IGF2BP2: variants seen among roughly 807,000 people sequenced by gnomAD.
IGF2BP2 encodes insulin-like growth factor 2 mRNA-binding protein 2.
Under a neutral mutation model 75.8 loss-of-function variants are expected in IGF2BP2, and 17 were observed. The ratio of observed to expected loss-of-function variants is 0.22; its 90% CI spans 0.15 to 0.34. IGF2BP2 has a LOEUF of 0.34. Among genes scored for constraint, IGF2BP2 ranks in the 10% least tolerant of loss-of-function variants. IGF2BP2 has a pLI of 1.00. For synonymous variants in IGF2BP2, 288 were observed against 295.6 expected, an observed-to-expected ratio of 0.97 and a Z score of 0.26; for missense variants, 516 against 772.4, an observed-to-expected ratio of 0.67 and a Z score of 3.93.
chr3:185,681,156 C>T (rs538116700), intron 7 of IGF2BP2, among the ~76,000 whole-genome samples: 5 of 152,262 alleles, frequency 3.3e-5, no homozygotes, highest in Non-Finnish European at 7.4e-5. Flanking sequence ...AAAATGATCT[C>T]TATTCACAGA....
At chr3:185,679,966 A>C (rs1415907125) in intron 7 of IGF2BP2, among the ~76,000 whole-genome samples, 1 of 152,178 alleles carries the variant, frequency 6.6e-6, no homozygotes, top group Admixed American at 6.6e-5. Flanking sequence ...CAGCATAAAA[A>C]CGGCAATAAT....
chr3:185,690,490 G>A (rs1721798512), intron 5 of IGF2BP2, among the ~76,000 whole-genome samples: 1 of 152,138 alleles, frequency 6.6e-6, no homozygotes, highest in South Asian at 2.1e-4. Context: ...TGACTCAACT[G>A]CAGTATCAGT....
chr3:185,759,697 C>G (rs1428502197), intron 2 of IGF2BP2, among the ~76,000 whole-genome samples: 1 of 152,202 alleles, frequency 6.6e-6, no homozygotes, highest in South Asian at 2.1e-4. Flanking sequence ...TGACTTAGAG[C>G]CAGCACCCAG....
chr3:185,801,484 C>T (rs374209154), intron 2 of IGF2BP2, among the ~76,000 whole-genome samples: 34 of 110,450 alleles, frequency 3.1e-4, no homozygotes, highest in African/African-American at 1.2e-4. Flanking sequence ...AGCAAAACTC[C>T]ATCTCAAAAA....
At chr3:185,651,084 T>G (rs1242474023) in intron 13 of IGF2BP2, among the ~76,000 whole-genome samples, 1 of 152,024 alleles carries the variant, frequency 6.6e-6, no homozygotes, top group Non-Finnish European at 1.5e-5. Flanking sequence ...ACTTTAAAAT[T>G]TTTTTTGTAG....
Position 185,649,390 on chromosome 3 carries a change from G to A in IGF2BP2, c.1593+13C>T, listed in dbSNP as rs552281158. On this transcript the variant is annotated intron_variant, in intron 14 of 15. Coordinates refer to ENST00000382199, the MANE Select transcript of IGF2BP2 (RefSeq NM_006548.6). Reference sequence around the variant, plus strand: ...CTGACCCAGGTGATGAAGCGAGCCCGGAGCACACTTACGGTCTTGCCACCT... The same window carrying A: ...CTGACCCAGGTGATGAAGCGAGCCCAGAGCACACTTACGGTCTTGCCACCT... 71 of 1,612,262 alleles carry A rather than the reference G, an allele frequency of 4.4e-5. No individual in the cohort carries two copies. Among genetic ancestry groups the A allele is most frequent in the East Asian group, 6.7e-5 (3 of 44,888 alleles).
intron 2 of IGF2BP2, among the ~76,000 whole-genome samples, chr3:185,817,331 C>T (rs1258281709): frequency 6.6e-6 from 1 of 152,164 alleles, no homozygotes; most frequent in African/African-American, 2.4e-5. Flanking sequence ...TGAATGCCTC[C>T]TATTAATGCA....
intron 2 of IGF2BP2, among the ~76,000 whole-genome samples, chr3:185,820,227 TATACACATACACACAC>T (rs1236375322): frequency 5.5e-5 from 5 of 91,654 alleles, no homozygotes; most frequent in African/African-American, 3.8e-4. Context: ...TATGTGTATA[TATACACATACACACAC>T]ACACACACAC....
At chr3:185,666,791 A>C (rs1370295974) in intron 10 of IGF2BP2, among the ~76,000 whole-genome samples, 1 of 152,196 alleles carries the variant, frequency 6.6e-6, no homozygotes, top group Non-Finnish European at 1.5e-5. Flanking sequence ...TTCATAGGAA[A>C]ATATAAATCA....
In IGF2BP2 at chr3:185,652,242, G is replaced by T. The variant is rs763456708; in HGVS notation, c.1387-74C>A. ...GCCCCTCTTTCTTGTCTAAGTGGAC[G>T]GCAAGCATACCAGCAGGAGGTTCCA... is the stretch of plus-strand genomic sequence containing the variant. On this transcript the variant is annotated intron_variant, in intron 12 of 15. Transcript: ENST00000382199. 33 of 1,282,268 alleles carry T rather than the reference G, an allele frequency of 2.6e-5. No individual in the cohort carries two copies. In the Middle Eastern group the frequency reaches 7.8e-4, roughly 30 times the overall value. The allele number at this position is 1,282,268 out of a possible 1,614,324, so 79.4% of individuals were successfully genotyped here. A position where few individuals can be genotyped will look rare whatever the true frequency, so the allele number is the denominator to read the frequency against.
chr3:185,658,525 CTGT>C, intron 10 of IGF2BP2, 116 bp from the exon 11 acceptor site: 1 of 789,540 alleles, frequency 1.3e-6, no homozygotes, highest in Admixed American at 2.3e-5. Flanking sequence ...GCTGGCTCCA[CTGT>C]CGTGTCTACA....
At chr3:185,677,066 TATAG>T (rs1262591770) in intron 7 of IGF2BP2, among the ~76,000 whole-genome samples, 67 of 38,380 alleles carry the variant, frequency 1.7e-3, no homozygotes, top group Non-Finnish European at 2.6e-3. Flanking sequence ...TATATATATA[TATAG>T]AGAGAGAGAG....
intron 2 of IGF2BP2, among the ~76,000 whole-genome samples, chr3:185,779,013 T>C (rs1734872113): frequency 6.6e-6 from 1 of 151,518 alleles, no homozygotes; most frequent in Non-Finnish European, 1.5e-5. Flanking sequence ...TATGGCATCC[T>C]CTCTTGAAAA....
At chr3:185,735,877 G>T (rs1363084299) in intron 2 of IGF2BP2, among the ~76,000 whole-genome samples, 1 of 152,198 alleles carries the variant, frequency 6.6e-6, no homozygotes, top group Non-Finnish European at 1.5e-5. Context: ...ATGAGTGAAT[G>T]AATGGGGGGT....
chr3:185,659,912 A>G (rs1300572762), intron 10 of IGF2BP2, among the ~76,000 whole-genome samples: 1 of 151,874 alleles, frequency 6.6e-6, no homozygotes, highest in African/African-American at 2.4e-5. Flanking sequence ...CTCCTGCCTC[A>G]GCCTCCCAAA....
intron 2 of IGF2BP2, among the ~76,000 whole-genome samples, chr3:185,821,651 T>G (rs1474985289): frequency 1.3e-5 from 2 of 152,090 alleles, no homozygotes; most frequent in Admixed American, 1.3e-4. Context: ...TTTTTTTTAC[T>G]AATTATAACC....
chr3:185,755,895 G>C (rs909542651), intron 2 of IGF2BP2, among the ~76,000 whole-genome samples: 1 of 152,198 alleles, frequency 6.6e-6, no homozygotes, highest in African/African-American at 2.4e-5. Context: ...TTCGGACTTT[G>C]AGTTGATGCT....
intron 2 of IGF2BP2, among the ~76,000 whole-genome samples, chr3:185,763,218 C>T (rs1578223733): frequency 1.3e-5 from 2 of 152,066 alleles, no homozygotes; most frequent in African/African-American, 4.8e-5. Flanking sequence ...GTACAAACAC[C>T]TCCTCTTTCT....
intron 10 of IGF2BP2, among the ~76,000 whole-genome samples, chr3:185,671,223 T>C (rs940911465): frequency 6.6e-6 from 1 of 152,128 alleles, no homozygotes; most frequent in Non-Finnish European, 1.5e-5. Context: ...GGAAATGATA[T>C]AACTAAAGAG....
Sources: gnomAD v4.1 joint callset for allele counts (sites outside exome capture counted in the v4.1 genomes callset) on GRCh38, gnomAD v4.1.1 for gene constraint, MANE v1.5 for transcripts, NCBI Gene and HGNC (gene_info 2026-07-23, HGNC 2026-07-21) for gene names.